Variants in CDKAL1 observed in about 807,000 individuals in gnomAD.
CDKAL1 encodes threonylcarbamoyladenosine tRNA methylthiotransferase.
A neutral mutation model predicts 68.2 loss-of-function variants in CDKAL1; 32 were observed. That is an observed-to-expected ratio of 0.47 (90% CI 0.35 to 0.63). CDKAL1 has a LOEUF of 0.63. CDKAL1 is among the 30% of genes least tolerant of loss of function. The pLI, the probability that CDKAL1 is intolerant of heterozygous loss-of-function variation, is 0.00. For synonymous variants in CDKAL1, 234 were observed against 244.3 expected (o/e 0.96, Z 0.39); for missense variants, 606 against 696.7 (o/e 0.87, Z 1.47).
At position 20,732,259 on chromosome 6, in the gene CDKAL1, CTTTCTTTTTTTT is replaced by C. The variant is rs1248931531; in HGVS notation, c.372-7256_372-7245del. Among the ~76,000 whole-genome samples the C allele has an allele frequency of 9.1e-5, 8 of 88,092 alleles. No individual in the cohort carries two copies. In the East Asian group the frequency reaches 4.4e-3, roughly 49 times the overall value. 57.8% of individuals were successfully genotyped at this position (88,092 alleles called of 152,430 possible). ...TTCTTTTTTTCTTTTTCTTTTCTTT[CTTTCTTTTTTTT>C]TTTTTTTTTTTTTTGTTGTTGTTGA... On this transcript the variant is annotated intron_variant, in intron 5 of 15. Transcript: ENST00000274695.
chr6:20,625,222 T>C (rs962153165), intron 4 of CDKAL1, among the ~76,000 whole-genome samples: 1 of 152,156 alleles, frequency 6.6e-6, no homozygotes, highest in African/African-American at 2.4e-5. Context: ...TATTCTTACA[T>C]ATTCTATTCC....
rs146332337 is a variant in CDKAL1, at chr6:21,004,097, C to A, written c.1055+3725C>A. The stretch of plus-strand genomic sequence containing the variant: ...TCCTGATCTGTTTCCTTAAAAAATC[C>A]ATTTTTTAAGACAACCTATAGCATT... On this transcript the variant is annotated intron_variant, in intron 11 of 15. Coordinates refer to ENST00000274695, the MANE Select transcript of CDKAL1 (RefSeq NM_017774.3). 1.1e-4 allele frequency among the ~76,000 whole-genome samples: 17 copies of A among 152,238 alleles called. No homozygotes were observed. The East Asian group carries it at 3.1e-3, about 28-fold the overall frequency.
At chr6:20,898,379 G>A (rs546079354) in intron 9 of CDKAL1, among the ~76,000 whole-genome samples, 8 of 149,360 alleles carry the variant, frequency 5.4e-5, no homozygotes, top group East Asian at 2.0e-4. Flanking sequence ...TTGTGTAGCC[G>A]TCTCCGGTTG....
At position 21,146,131 on chromosome 6, in the gene CDKAL1, C is replaced by T. The variant is rs56158889; in HGVS notation, c.1299+37668C>T. Among the ~76,000 whole-genome samples the T allele has an allele frequency of 3.5e-3, 530 of 152,320 alleles. 3 individuals carry two copies. Among genetic ancestry groups the T allele is most frequent in the Non-Finnish European group, 4.9e-3 (332 of 68,032 alleles). On this transcript the variant is annotated intron_variant, in intron 13 of 15. Coordinates refer to ENST00000274695, the MANE Select transcript of CDKAL1 (RefSeq NM_017774.3). ...CCTTAATGGGTCTGGACTGCATGCA[C>T]TACAGTTGCCCAGTAAAATAAAACA... is the stretch of plus-strand genomic sequence containing the variant.
chr6:20,632,533 ACT>A (rs2127742821), intron 4 of CDKAL1, among the ~76,000 whole-genome samples: 1 of 152,022 alleles, frequency 6.6e-6, no homozygotes, highest in Admixed American at 6.5e-5. Context: ...GAAATACCAG[ACT>A]CTCTGTCAGA....
chr6:20,713,171 G>C (rs1017022102), intron 5 of CDKAL1, among the ~76,000 whole-genome samples: 1 of 152,120 alleles, frequency 6.6e-6, no homozygotes, highest in Non-Finnish European at 1.5e-5. Context: ...TTAATGCAAA[G>C]CATATACCTG....
chr6:20,607,069 C>T (rs1264444057), intron 4 of CDKAL1, among the ~76,000 whole-genome samples: 2 of 152,102 alleles, frequency 1.3e-5, no homozygotes, highest in African/African-American at 4.8e-5. Context: ...GACTGCTAGG[C>T]AAGTATTAAC....
chr6:20,841,644 C>T (rs1237160746), intron 8 of CDKAL1, among the ~76,000 whole-genome samples: 1 of 152,186 alleles, frequency 6.6e-6, no homozygotes, highest in Admixed American at 6.5e-5. Flanking sequence ...CGTGATGGCT[C>T]ACGCCTGTCA....
At chr6:20,887,711 TAGAG>T (rs1761148750) in intron 9 of CDKAL1, among the ~76,000 whole-genome samples, 1 of 119,616 alleles carries the variant, frequency 8.4e-6, no homozygotes, top group Non-Finnish European at 1.9e-5. Context: ...TTTATATCTT[TAGAG>T]TAGTTTGGGC....
At chr6:20,885,751 T>C (rs1761036341) in intron 9 of CDKAL1, among the ~76,000 whole-genome samples, 1 of 152,164 alleles carries the variant, frequency 6.6e-6, no homozygotes. Context: ...TTACAAATTA[T>C]AAATTTGATA....
intron 12 of CDKAL1, among the ~76,000 whole-genome samples, chr6:21,093,694 CTTTTTTTTTTTTTTTTTTTTTTTTTT>C (rs547923386): frequency 6.8e-5 from 6 of 88,096 alleles, no homozygotes; most frequent in African/African-American, 1.8e-4. Flanking sequence ...GCTGCTGCTG[CTTTTTTTTTTTTTTTTTTTTTTTTTT>C]TTTTTTTTTT....
intron 12 of CDKAL1, among the ~76,000 whole-genome samples, chr6:21,096,699 A>T (rs114047183): frequency 2.6e-4 from 40 of 152,284 alleles, no homozygotes; most frequent in African/African-American, 8.4e-4. Flanking sequence ...CAAATGGTAA[A>T]AAATAAATAA....
intron 11 of CDKAL1, among the ~76,000 whole-genome samples, chr6:21,022,819 C>A (rs1768744671): frequency 6.6e-6 from 1 of 152,156 alleles, no homozygotes; most frequent in African/African-American, 2.4e-5. Flanking sequence ...TCATTTCTAA[C>A]TTTTGTTGGT....
At chr6:21,116,354 A>G (rs1456717832) in intron 13 of CDKAL1, among the ~76,000 whole-genome samples, 1 of 152,194 alleles carries the variant, frequency 6.6e-6, no homozygotes, top group Non-Finnish European at 1.5e-5. Context: ...GACTTTTATT[A>G]TGATGATTAA....
intron 6 of CDKAL1, among the ~76,000 whole-genome samples, chr6:20,740,240 C>T (rs1305918784): frequency 6.6e-6 from 1 of 152,106 alleles, no homozygotes; most frequent in African/African-American, 2.4e-5. Flanking sequence ...TCCTGTGATA[C>T]CTGGCACATA....
chr6:20,591,535 G>A (rs928491228), intron 4 of CDKAL1, among the ~76,000 whole-genome samples: 2 of 152,104 alleles, frequency 1.3e-5, no homozygotes, highest in African/African-American at 2.4e-5. Context: ...TTTCTATAAG[G>A]TGTAAGGAAG....
At chr6:20,653,724 C>T (rs967355441) in intron 5 of CDKAL1, among the ~76,000 whole-genome samples, 3 of 151,916 alleles carry the variant, frequency 2.0e-5, no homozygotes, top group South Asian at 2.1e-4. Context: ...AAGTGATTCT[C>T]CTGCCTCAGC....
At chr6:21,180,300 C>T (rs1243652974) in intron 13 of CDKAL1, among the ~76,000 whole-genome samples, 1 of 151,326 alleles carries the variant, frequency 6.6e-6, no homozygotes, top group Non-Finnish European at 1.5e-5. Flanking sequence ...TTCCTACCCA[C>T]TACCACCTTC....
At chr6:20,645,934 A>G (rs1768432990) in intron 4 of CDKAL1, among the ~76,000 whole-genome samples, 3 of 151,716 alleles carry the variant, frequency 2.0e-5, no homozygotes, top group African/African-American at 7.3e-5. Context: ...CCACTGGAAG[A>G]TCTTCAGGGG....
Sources: allele counts gnomAD v4.1 joint callset (sites outside exome capture counted in the v4.1 genomes callset), GRCh38; gene constraint gnomAD v4.1.1; transcripts MANE v1.5; gene names NCBI Gene and HGNC (gene_info 2026-07-23, HGNC 2026-07-21).